Variants in IRX4 observed in about 807,000 individuals in gnomAD.
The protein encoded by IRX4 is iroquois homeobox 4.
A neutral mutation model predicts 32.0 loss-of-function variants in IRX4; 22 were observed. The ratio of observed to expected loss-of-function variants is 0.69; its 90% CI spans 0.49 to 0.98. The LOEUF is 0.98. Ranked by LOEUF, IRX4 falls within the 50% of genes least tolerant of loss-of-function variation. IRX4 has a pLI of 0.00. For missense variants in IRX4, 840 were observed against 744.2 expected (o/e 1.13, Z -1.50); for synonymous variants, 379 against 351.7 (o/e 1.08, Z -0.87).
In IRX4 at chr5:1,882,022, T is replaced by C. The variant is rs1386760464; in HGVS notation, c.83A>G (p.Glu28Gly). 1 of 1,548,944 alleles carries C rather than the reference T, an allele frequency of 6.5e-7. No homozygotes were observed. Among genetic ancestry groups the C allele is most frequent in the African/African-American group, 1.4e-5 (1 of 73,010 alleles). ...MATNSLSTCC[E>G]SGGRTLADSG... ...GTCCGCCAGCGTGCGGCCTCCGGAC[T>C]CGCAGCACGTGCTCAGGGAGTTGGT... is the stretch of plus-strand genomic sequence containing the variant. Residue 28 changes from glutamate (E) to glycine (G), a missense_variant, in exon 2 of 5, where the codon GAG (glutamate) becomes GGG (glycine). Physicochemically the swap from Glu to Gly is moderately conservative, Grantham distance 98. Coordinates refer to ENST00000231357, the MANE Select transcript of IRX4 (RefSeq NM_016358.3).
chr5:1,879,685 G>A lies in IRX4; in HGVS notation c.555C>T (p.Thr185=). The A allele has an allele frequency of 1.9e-6, 3 of 1,614,226 alleles. No individual in the cohort carries two copies. The South Asian group carries it at 3.3e-5, about 18-fold the overall frequency. ...CGAACCAGGTGGAGACCTGTGTGAG[G>A]GTCATCTTGGTGATGATGGCCAGCA... ...KIMLAIITKM[T]LTQVSTWFAN... is the part of the protein sequence containing the mutation. Residue 185 remains threonine (T), a synonymous_variant, in exon 4 of 5, where the codon ACC becomes ACT. Coordinates refer to ENST00000231357, the MANE Select transcript of IRX4 (RefSeq NM_016358.3).
chr5:1,884,137 AC>A (rs1735554290), upstream of IRX4: 1 of 152,204 alleles, frequency 6.6e-6, no homozygotes, highest in Admixed American at 6.5e-5. Context: ...GCCATCCCGA[AC>A]CCGTTCCCCG....
chr5:1,880,604 G>A (rs1239459235), intron 3 of IRX4, 121 bp downstream of exon 3: 4 of 700,932 alleles, frequency 5.7e-6, no homozygotes, highest in Non-Finnish European at 1.0e-5. Flanking sequence ...CCTGACCTAA[G>A]AGTGTCTCTC....
rs557984387 is a variant in IRX4 at position 1,878,661 on chromosome 5, G to C, written c.868C>G (p.Pro290Ala). ...TTGACCGGGCCGTCGGGCGCGGCGG[G>C]GACGCGCTCCAGACCGCCGTCCAGG... ...HSLDGGLERV[P>A]AAPDGPVKEA... Residue 290 changes from proline to alanine, a missense_variant, in exon 5 of 5, where the codon CCC becomes GCC. Pro to Ala is a conservative substitution (Grantham distance 27, BLOSUM62 -1). This residue lies in a region of IRX4 where 585 missense variants were observed against 488.0 expected (regional missense o/e 1.20). Coordinates refer to ENST00000231357, the MANE Select transcript of IRX4 (RefSeq NM_016358.3). 78 of 1,578,336 alleles carry C rather than the reference G, an allele frequency of 4.9e-5. No homozygotes were observed. In the African/African-American group the frequency reaches 9.3e-4, roughly 19 times the overall value.
chr5:1,878,274 G>T lies in IRX4; in HGVS notation c.1255C>A (p.Pro419Thr). The change falls in exon 5 of 5, where the codon CCC (proline) becomes ACC (threonine). Residue 419 changes from proline to threonine, a missense_variant. Physicochemically the swap from Pro to Thr is conservative, Grantham distance 38. Coordinates refer to ENST00000231357, the MANE Select transcript of IRX4 (RefSeq NM_016358.3). ...APATSPSVAL[P>T]HSGALDRHQD... The stretch of plus-strand genomic sequence containing the variant: ...TGCCTGTCCAGGGCGCCAGAGTGGG[G>T]AAGGGCCACAGACGGGGACGTGGCG... 3.1e-6 allele frequency: 5 copies of T among 1,601,574 alleles called. No homozygotes were observed. The highest frequency in any genetic ancestry group is 3.4e-6 in the Non-Finnish European group (4 of 1,175,216).
At chr5:1,881,073 GGGGGAGGA>G in intron 2 of IRX4, 1 of 367,286 alleles carries the variant, frequency 2.7e-6, no homozygotes, top group Non-Finnish European at 5.0e-6. Flanking sequence ...GGGGGGGCGG[GGGGGAGGA>G]GGTGCAGTGT....
intron 2 of IRX4, chr5:1,881,159 G>A (rs1430257035): frequency 1.2e-5 from 5 of 408,002 alleles, no homozygotes; most frequent in East Asian, 5.6e-5. Context: ...CCGGCAATAG[G>A]GGGCAGCTGG....
chr5:1,883,752 C>T (rs1024190829), upstream of IRX4, among the ~76,000 whole-genome samples: 1 of 152,248 alleles, frequency 6.6e-6, no homozygotes, highest in African/African-American at 2.4e-5. Context: ...GACTTTCCTC[C>T]CCGATCCCCT....
At position 1,882,616 on chromosome 5, in the gene IRX4, G is replaced by A. The variant is rs911481901; in HGVS notation, c.32C>T (p.Ser11Phe). 2 of 1,452,120 alleles carry A rather than the reference G, an allele frequency of 1.4e-6. No homozygotes were observed. The highest frequency in any genetic ancestry group is 1.8e-6 in the Non-Finnish European group (2 of 1,106,646). The allele number at this position is 1,452,120 out of a possible 1,614,324, so 90.0% of individuals were successfully genotyped here. A position where few individuals can be genotyped will look rare whatever the true frequency, so the allele number is the denominator to read the frequency against. MSYPQFGYPY[S>F]SAPQFLMATN... is the part of the protein sequence containing the mutation. ...GGCTCCGCTTACCTGGGGAGCCGAG[G>A]AGTAGGGGTATCCAAACTGCGGGTA... The change falls in exon 1 of 5, where the codon TCC becomes TTC. Residue 11 changes from serine to phenylalanine, a missense_variant. Ser to Phe is a radical substitution (Grantham distance 155). This residue lies in a region of IRX4 where 241 missense variants were observed against 220.8 expected (regional missense o/e 1.09). Transcript: ENST00000231357.
upstream of IRX4, among the ~76,000 whole-genome samples, chr5:1,885,095 C>T (rs943941652): frequency 1.3e-5 from 2 of 152,160 alleles, no homozygotes; most frequent in Non-Finnish European, 2.9e-5. Context: ...AGCACTCCGC[C>T]GGCTGAGGGG....
Position 1,882,817 on chromosome 5 carries a change from A to G in IRX4, c.-170T>C. On this transcript the variant is annotated 5_prime_UTR_variant, in exon 1 of 5. Transcript: ENST00000231357. ...CCGCAAACTTTTCTAACCGGGTAAC[A>G]AAGTGAGCAGCGGTGGCCGCCGCGA... 2.4e-6 allele frequency: 1 copy of G among 417,436 alleles called. No individual in the cohort carries two copies. The highest frequency in any genetic ancestry group is 4.3e-6 in the Non-Finnish European group (1 of 233,084). The allele number at this position is 417,436 out of a possible 1,614,324, so 25.9% of individuals were successfully genotyped here.
intron 2 of IRX4, among the ~76,000 whole-genome samples, chr5:1,881,357 G>C (rs1393062548): frequency 2.4e-5 from 3 of 125,504 alleles, no homozygotes; most frequent in Non-Finnish European, 3.4e-5. Flanking sequence ...GCAAGGAGGG[G>C]GAGGAACAAG....
chr5:1,880,927 C>T (rs550078975), intron 2 of IRX4, 93 bp from the exon 3 acceptor site: 3 of 986,916 alleles, frequency 3.0e-6, no homozygotes, highest in Non-Finnish European at 4.9e-6. Flanking sequence ...AAAGGCTTGG[C>T]AAGGATTCCT....
chr5:1,885,858 G>A (rs1418798362), upstream of IRX4, among the ~76,000 whole-genome samples: 1 of 152,274 alleles, frequency 6.6e-6, no homozygotes, highest in Non-Finnish European at 1.5e-5. Context: ...CAGCATCTCA[G>A]GTATCAGCTG....
At chr5:1,882,573 G>T in intron 1 of IRX4, 30 bp downstream of exon 1, 1 of 1,504,512 alleles carries the variant, frequency 6.6e-7, no homozygotes, top group Non-Finnish European at 8.9e-7. Context: ...GGCACCTGCG[G>T]TGGCCTGGGC....
At chr5:1,883,150 G>T (rs774922930), upstream of IRX4, among the ~76,000 whole-genome samples, 1 of 152,148 alleles carries the variant, frequency 6.6e-6, no homozygotes, top group Non-Finnish European at 1.5e-5. Context: ...AATTCCATCC[G>T]AGTCAATATC....
intron 4 of IRX4, among the ~76,000 whole-genome samples, chr5:1,879,130 T>G (rs1735332096): frequency 6.6e-6 from 1 of 151,992 alleles, no homozygotes; most frequent in Admixed American, 6.5e-5. Flanking sequence ...TAGCTGGGAC[T>G]ACAGGCGCCC....
intron 2 of IRX4, chr5:1,881,077 G>GGGGGGGGGGGGGGGC: frequency 3.0e-6 from 1 of 337,070 alleles, no homozygotes; most frequent in Non-Finnish European, 5.4e-6. Context: ...GGGCGGGGGG[G>GGGGGGGGGGGGGGGC]AGGAGGTGCA....
Position 1,878,515 on chromosome 5 carries a change from C to G in IRX4, c.1014G>C (p.Pro338=). ...AGACCTGAGGGCCGCCCTCTGCGCC[C>G]GGCAGTGGCTCCGGCCCGGCCGCCG... ...RSAAAGPEPL[P]GAEGGPQVCE... is the part of the protein sequence containing the mutation. The change falls in exon 5 of 5, where the codon CCG becomes CCC. Residue 338 remains proline (P), a synonymous_variant. Transcript: ENST00000231357. The G allele has an allele frequency of 7.0e-7, 1 of 1,434,972 alleles. No individual in the cohort carries two copies. The highest frequency in any genetic ancestry group is 1.5e-5 in the South Asian group (1 of 66,830). 88.9% of individuals were successfully genotyped at this position (1,434,972 alleles called of 1,614,324 possible). A position where few individuals can be genotyped will look rare whatever the true frequency, so the allele number is the denominator to read the frequency against.
Sources: allele counts gnomAD v4.1 joint callset (sites outside exome capture counted in the v4.1 genomes callset), GRCh38; gene constraint gnomAD v4.1.1; regional missense constraint gnomAD v4.1.1; transcripts MANE v1.5; gene names NCBI Gene and HGNC (gene_info 2026-07-23, HGNC 2026-07-21).